The following UBE2D2 variants were observed in gnomAD, a reference collection of about 807,000 sequenced individuals.
UBE2D2 encodes ubiquitin conjugating enzyme E2 D2.
In UBE2D2, 2 loss-of-function variants were observed where a neutral mutation model predicts 24.2. That is an observed-to-expected ratio of 0.08 (90% CI 0.03 to 0.26). UBE2D2 has a LOEUF of 0.26. Ranked by LOEUF, UBE2D2 falls within the 10% of genes least tolerant of loss-of-function variation. The pLI is 1.00. For synonymous variants in UBE2D2, 58 were observed against 56.5 expected (o/e 1.03, Z -0.12); for missense variants, 44 against 177.6 (o/e 0.25, Z 4.28).
upstream of UBE2D2, among the ~76,000 whole-genome samples, chr5:139,557,387 G>A (rs566450341): frequency 2.0e-5 from 3 of 151,830 alleles, no homozygotes; most frequent in African/African-American, 7.3e-5. Context: ...CACCAGCCTC[G>A]GCTTCCCCAA....
intron 1 of UBE2D2, among the ~76,000 whole-genome samples, chr5:139,573,172 G>A (rs1229329905): frequency 1.3e-5 from 2 of 151,472 alleles, no homozygotes; most frequent in Admixed American, 6.6e-5. Context: ...CGTGGTGGTG[G>A]GCACCTGTAG....
rs116580084 is a variant in UBE2D2 at position 139,611,029 on chromosome 5, T to C, written c.89-3557T>C. Among the ~76,000 whole-genome samples the C allele has an allele frequency of 7.7e-3, 1,177 of 152,148 alleles. 8 individuals are homozygous for C. Among genetic ancestry groups the C allele is most frequent in the Middle Eastern group, 0.041 (12 of 294 alleles). ...TCCAGAATAATCTCAAGGAAAAATA[T>C]TGCAAGCAACAGTAGTGTTGACAGT... is the stretch of plus-strand genomic sequence containing the variant. On this transcript the variant is annotated intron_variant, in intron 2 of 6. Coordinates refer to ENST00000398733, the MANE Select transcript of UBE2D2 (RefSeq NM_003339.3).
At chr5:139,548,456 C>A (rs1029216322) in intron 1 of UBE2D2, among the ~76,000 whole-genome samples, 1 of 152,004 alleles carries the variant, frequency 6.6e-6, no homozygotes, top group African/African-American at 2.4e-5. Context: ...GATGCACTGT[C>A]ATCCCAGCCA....
intron 5 of UBE2D2, among the ~76,000 whole-genome samples, chr5:139,619,844 CAA>C: frequency 6.6e-6 from 1 of 151,612 alleles, no homozygotes; most frequent in South Asian, 2.1e-4. Context: ...GCCTGGGCAA[CAA>C]GAGTGAAACT....
At chr5:139,556,950 T>C (rs186311890), upstream of UBE2D2, among the ~76,000 whole-genome samples, 99 of 151,208 alleles carry the variant, frequency 6.5e-4, 1 homozygote, top group African/African-American at 2.3e-3. Context: ...TTCTCCTGCC[T>C]CAGCCTCCTG....
intron 1 of UBE2D2, among the ~76,000 whole-genome samples, chr5:139,534,842 C>T (rs1343700179): frequency 2.0e-5 from 3 of 151,990 alleles, no homozygotes; most frequent in African/African-American, 7.2e-5. Context: ...TATTGAATAT[C>T]TGAAAATAAT....
intron 5 of UBE2D2, among the ~76,000 whole-genome samples, chr5:139,620,404 A>G (rs1040266770): frequency 6.6e-6 from 1 of 152,232 alleles, no homozygotes; most frequent in Non-Finnish European, 1.5e-5. Flanking sequence ...AGTTAAAGGA[A>G]CATTCAAAAA....
At chr5:139,570,498 G>A (rs945285501) in intron 1 of UBE2D2, among the ~76,000 whole-genome samples, 2 of 151,166 alleles carry the variant, frequency 1.3e-5, no homozygotes, top group African/African-American at 4.9e-5. Flanking sequence ...ATGCCACCAC[G>A]CCCGGCTAAT....
At chr5:139,579,448 A>G (rs1753548629) in intron 1 of UBE2D2, among the ~76,000 whole-genome samples, 1 of 150,730 alleles carries the variant, frequency 6.6e-6, no homozygotes. Context: ...TGCCTGGCCT[A>G]ATTTTTGTAT....
At chr5:139,600,529 C>A (rs1754050744) in intron 2 of UBE2D2, 94 bp downstream of exon 2, 4 of 1,243,162 alleles carry the variant, frequency 3.2e-6, no homozygotes, top group Non-Finnish European at 2.3e-6. Context: ...CAGTGTTTAA[C>A]CCTTAGTGGC....
At chr5:139,581,946 C>T (rs953067358) in intron 1 of UBE2D2, among the ~76,000 whole-genome samples, 8 of 152,034 alleles carry the variant, frequency 5.3e-5, no homozygotes, top group African/African-American at 1.5e-4. Flanking sequence ...GGATTGCAGG[C>T]GTGAGCTACT....
intron 1 of UBE2D2, among the ~76,000 whole-genome samples, chr5:139,530,092 T>C (rs1023081605): frequency 6.6e-6 from 1 of 152,206 alleles, no homozygotes; most frequent in Non-Finnish European, 1.5e-5. Flanking sequence ...GGTGGCTTAG[T>C]TGTCTTAGGC....
intron 1 of UBE2D2, chr5:139,562,344 AC>A: frequency 7.4e-7 from 1 of 1,342,472 alleles, no homozygotes; most frequent in Non-Finnish European, 9.8e-7. Context: ...GTGGCAGCAC[AC>A]ATCGGTCCAC....
At chr5:139,607,642 T>A (rs1489164130) in intron 2 of UBE2D2, among the ~76,000 whole-genome samples, 1 of 152,212 alleles carries the variant, frequency 6.6e-6, no homozygotes, top group Non-Finnish European at 1.5e-5. Context: ...ACAGATATGA[T>A]CTACTAAATT....
chr5:139,532,022 A>G (rs1432542747), intron 1 of UBE2D2, among the ~76,000 whole-genome samples: 1 of 151,766 alleles, frequency 6.6e-6, no homozygotes, highest in Non-Finnish European at 1.5e-5. Context: ...CTCATTTATG[A>G]TGAGGGATGT....
intron 2 of UBE2D2, among the ~76,000 whole-genome samples, chr5:139,606,033 G>A (rs1445532498): frequency 2.6e-5 from 4 of 152,054 alleles, no homozygotes; most frequent in African/African-American, 9.7e-5. Flanking sequence ...GCGAGCTACC[G>A]CACCCAGCTT....
At chr5:139,605,477 A>G (rs953440920) in intron 2 of UBE2D2, among the ~76,000 whole-genome samples, 4 of 151,030 alleles carry the variant, frequency 2.6e-5, no homozygotes, top group African/African-American at 9.7e-5. Flanking sequence ...CTGTAGTCCC[A>G]GCTATTCAGG....
chr5:139,571,069 T>C (rs1486416992), intron 1 of UBE2D2, among the ~76,000 whole-genome samples: 2 of 152,094 alleles, frequency 1.3e-5, no homozygotes, highest in Admixed American at 6.6e-5. Flanking sequence ...GCAGAGAAAA[T>C]ATAAATCTTA....
chr5:139,595,892 G>GTTTTTTTTTT (rs70988709), intron 1 of UBE2D2, among the ~76,000 whole-genome samples: 38 of 98,840 alleles, frequency 3.8e-4, no homozygotes, highest in Non-Finnish European at 4.9e-4. Flanking sequence ...GTTTTTTGTT[G>GTTTTTTTTTT]TTTTTTTTTT....
Sources: gnomAD v4.1 joint callset for allele counts (sites outside exome capture counted in the v4.1 genomes callset) on GRCh38, gnomAD v4.1.1 for gene constraint, MANE v1.5 for transcripts, NCBI Gene and HGNC (gene_info 2026-07-23, HGNC 2026-07-21) for gene names.